Variants in GABRB3 observed in about 807,000 individuals in gnomAD.
The protein encoded by GABRB3 is gamma-aminobutyric acid type A receptor subunit beta3.
Under a neutral mutation model 52.1 loss-of-function variants are expected in GABRB3, and 14 were observed. The observed-to-expected ratio is 0.27, with a 90% CI of 0.18 to 0.42. The LOEUF is 0.42. Among genes scored for constraint, GABRB3 ranks in the 10% least tolerant of loss-of-function variants. The pLI is 1.00. For missense variants in GABRB3, 307 were observed against 609.1 expected (o/e 0.50, Z 5.22); for synonymous variants, 260 against 232.3 (o/e 1.12, Z -1.08).
intron 3 of GABRB3, among the ~76,000 whole-genome samples, chr15:26,700,117 A>C (rs186366142): frequency 2.0e-5 from 3 of 152,262 alleles, no homozygotes; most frequent in African/African-American, 7.2e-5. Flanking sequence ...AACAAACAAA[A>C]CAGAGAATAA....
At position 26,690,239 on chromosome 15, in the gene GABRB3, A is replaced by G. The variant is rs557050105; in HGVS notation, c.241-68705T>C. ...AATACAGGTGCATGGCATGACACCTAGCTATTTTTTTAAACTTTTTGTAGT... is the reference window on the plus strand; with the variant it reads ...AATACAGGTGCATGGCATGACACCTGGCTATTTTTTTAAACTTTTTGTAGT... On this transcript the variant is annotated intron_variant, in intron 3 of 8. Transcript: ENST00000311550. 1.5e-3 allele frequency among the ~76,000 whole-genome samples: 234 copies of G among 151,768 alleles called. 1 individual carries two copies. In the Middle Eastern group the frequency reaches 0.031, roughly 20 times the overall value.
chr15:26,644,646 G>A (rs952260884), intron 3 of GABRB3, among the ~76,000 whole-genome samples: 6 of 152,216 alleles, frequency 3.9e-5, no homozygotes, highest in African/African-American at 9.6e-5. Flanking sequence ...TGAAGACCAC[G>A]GTCTGTGGTA....
chr15:26,748,938 A>C (rs1739319235), intron 3 of GABRB3, among the ~76,000 whole-genome samples: 1 of 152,118 alleles, frequency 6.6e-6, no homozygotes. Context: ...AGGCAGGAGA[A>C]TCACTTGAAC....
At chr15:26,581,333 A>G (rs1197001055) in intron 5 of GABRB3, 1 of 152,334 alleles carries the variant, frequency 6.6e-6, no homozygotes, top group East Asian at 1.9e-4. Context: ...TTCACTCAAT[A>G]TTTAATGTTA....
intron 4 of GABRB3, among the ~76,000 whole-genome samples, chr15:26,594,873 A>C (rs1056192712): frequency 6.6e-6 from 1 of 152,188 alleles, no homozygotes; most frequent in Non-Finnish European, 1.5e-5. Flanking sequence ...AAGAAAAAAC[A>C]CACAAATGAA....
chr15:26,725,212 G>A (rs922712249), intron 3 of GABRB3, among the ~76,000 whole-genome samples: 1 of 152,172 alleles, frequency 6.6e-6, no homozygotes, highest in Non-Finnish European at 1.5e-5. Flanking sequence ...GATTTTCATA[G>A]CCTTGTGAGG....
chr15:26,717,192 C>T (rs1889513893), intron 3 of GABRB3, among the ~76,000 whole-genome samples: 1 of 150,704 alleles, frequency 6.6e-6, no homozygotes, highest in Non-Finnish European at 1.5e-5. Context: ...CACCCTATGA[C>T]AGCCCAGCTC....
chr15:26,644,360 G>A (rs1311360328), intron 3 of GABRB3, among the ~76,000 whole-genome samples: 2 of 152,194 alleles, frequency 1.3e-5, no homozygotes, highest in African/African-American at 4.8e-5. Flanking sequence ...GAGGTTGCTA[G>A]GGTGAGCCCT....
In GABRB3 at chr15:26,621,649, A is replaced by C; in HGVS notation, c.241-115T>G. The C allele has an allele frequency of 1.3e-6, 1 of 753,232 alleles. No individual in the cohort carries two copies. The highest frequency in any genetic ancestry group is 2.2e-6 in the Non-Finnish European group (1 of 453,724). 46.7% of individuals were successfully genotyped at this position (753,232 alleles called of 1,614,324 possible). On this transcript the variant is annotated intron_variant, in intron 3 of 8. Coordinates refer to ENST00000311550, the MANE Select transcript of GABRB3 (RefSeq NM_000814.6). The surrounding 1 kb of genome is among the most constrained non-coding windows in gnomAD (Gnocchi z 4.1). Reference sequence around the variant, plus strand: ...GGCTCTACAGTGAATAACCAGGAGAAACGGATGCCATTTTTATGCAGAATG... The same window carrying C: ...GGCTCTACAGTGAATAACCAGGAGACACGGATGCCATTTTTATGCAGAATG...
At chr15:26,648,805 G>A (rs1232622538) in intron 3 of GABRB3, among the ~76,000 whole-genome samples, 1 of 152,166 alleles carries the variant, frequency 6.6e-6, no homozygotes, top group East Asian at 1.9e-4. Flanking sequence ...CCTCTCTGAT[G>A]GGGAAGGAAA....
intron 3 of GABRB3, among the ~76,000 whole-genome samples, chr15:26,632,938 A>C (rs1892950183): frequency 6.6e-6 from 1 of 152,208 alleles, no homozygotes; most frequent in African/African-American, 2.4e-5. Flanking sequence ...CCCTGAAAGA[A>C]GACCCTCCAG....
At chr15:26,620,287 C>A (rs995241390) in intron 4 of GABRB3, among the ~76,000 whole-genome samples, 1 of 152,144 alleles carries the variant, frequency 6.6e-6, no homozygotes, top group African/African-American at 2.4e-5. Flanking sequence ...CTCTATACTG[C>A]GGTTCTGAGA....
At chr15:26,640,970 C>T (rs1409480419) in intron 3 of GABRB3, among the ~76,000 whole-genome samples, 4 of 152,182 alleles carry the variant, frequency 2.6e-5, no homozygotes, top group Non-Finnish European at 4.4e-5. Context: ...TTTACGTTCA[C>T]CTTTAAAACT....
Position 26,626,508 on chromosome 15 carries a change from T to G in GABRB3, c.241-4974A>C, listed in dbSNP as rs369487175. On this transcript the variant is annotated intron_variant, in intron 3 of 8. Transcript: ENST00000311550. ...TTTATAGGCCCAAAGTTAGGCCTTT[T>G]CTACCAGTTAGCCCAATTGTGAATG... 7.5e-4 allele frequency among the ~76,000 whole-genome samples: 115 copies of G among 152,342 alleles called. 1 individual carries two copies. The South Asian group carries it at 0.022, about 29-fold the overall frequency.
intron 3 of GABRB3, among the ~76,000 whole-genome samples, chr15:26,675,229 T>A (rs944777119): frequency 2.6e-5 from 4 of 152,212 alleles, no homozygotes; most frequent in Non-Finnish European, 5.9e-5. Flanking sequence ...ATGTTAAAGA[T>A]CTTTTGCAGC....
intron 3 of GABRB3, among the ~76,000 whole-genome samples, chr15:26,671,402 C>A (rs763199473): frequency 6.6e-6 from 1 of 152,156 alleles, no homozygotes; most frequent in Non-Finnish European, 1.5e-5. Flanking sequence ...CTTAGTTGTA[C>A]CACAGTTGTG....
At chr15:26,753,130 C>T (rs1890562095) in intron 3 of GABRB3, among the ~76,000 whole-genome samples, 1 of 152,198 alleles carries the variant, frequency 6.6e-6, no homozygotes, top group Admixed American at 6.5e-5. Context: ...GCCCCAGGCA[C>T]TGAGGGCTGC....
chr15:26,731,428 T>A (rs866082865), intron 3 of GABRB3, among the ~76,000 whole-genome samples: 7 of 152,198 alleles, frequency 4.6e-5, no homozygotes, highest in Admixed American at 4.6e-4. Flanking sequence ...CTTTGCCAGC[T>A]CCATGGACCT....
At chr15:26,595,535 C>T (rs1315630768) in intron 4 of GABRB3, among the ~76,000 whole-genome samples, 1 of 152,152 alleles carries the variant, frequency 6.6e-6, no homozygotes, top group Admixed American at 6.5e-5. Context: ...AGAGCTTCTA[C>T]AAGGTTGGTT....
Sources: allele counts gnomAD v4.1 joint callset (sites outside exome capture counted in the v4.1 genomes callset), GRCh38; gene constraint gnomAD v4.1.1; non-coding constraint Gnocchi (gnomAD v3.1); transcripts MANE v1.5; gene names NCBI Gene and HGNC (gene_info 2026-07-23, HGNC 2026-07-21).